The following ZBTB17 variants were observed in gnomAD, a reference collection of about 807,000 sequenced individuals.
The protein encoded by ZBTB17 is zinc finger and BTB domain-containing protein 17.
ZBTB17 carries 24 observed loss-of-function variants against 85.1 expected under a neutral mutation model. That is an observed-to-expected ratio of 0.28 (90% confidence interval 0.20 to 0.40). ZBTB17 has a LOEUF of 0.40. ZBTB17 is among the 10% of genes least tolerant of loss of function. The probability of loss-of-function intolerance (pLI) is 1.00; values close to 1 mark genes in which losing one functional copy is unlikely to be tolerated. For synonymous variants in ZBTB17, 464 were observed against 460.2 expected, an observed-to-expected ratio of 1.01 and a Z score of -0.11; for missense variants, 743 against 1,105.1, an observed-to-expected ratio of 0.67 and a Z score of 4.65.
chr1:15,948,078 C>T, intron 3 of ZBTB17: 1 of 625,606 alleles, frequency 1.6e-6, no homozygotes, highest in Middle Eastern at 2.8e-4. Context: ...GCCCTTCCTG[C>T]CCGTTCTCCC....
chr1:15,975,659 G>C (rs868278673), intron 1 of ZBTB17, among the ~76,000 whole-genome samples: 1 of 152,102 alleles, frequency 6.6e-6, no homozygotes. Flanking sequence ...CAGCGCGCGG[G>C]GTCAAGGGGC....
intron 2 of ZBTB17, among the ~76,000 whole-genome samples, chr1:15,971,634 GA>G (rs1186818533): frequency 4.7e-3 from 645 of 137,470 alleles, no homozygotes; most frequent in Admixed American, 9.3e-3. Flanking sequence ...TTTGCTGACA[GA>G]AAAAAAAAAA....
intron 2 of ZBTB17, among the ~76,000 whole-genome samples, chr1:15,961,806 G>A (rs2072269400): frequency 6.6e-6 from 1 of 152,334 alleles, no homozygotes; most frequent in African/African-American, 2.4e-5. Context: ...CAGGGAGGTG[G>A]GGGGAATGGG....
intron 2 of ZBTB17, 47 bp from the exon 3 acceptor site, chr1:15,948,544 C>T (rs2071706880): frequency 6.4e-7 from 1 of 1,573,780 alleles, no homozygotes; most frequent in African/African-American, 1.3e-5. Context: ...GAAAGGACGT[C>T]AGACACGCTC....
At chr1:15,962,639 G>A (rs766100847) in intron 2 of ZBTB17, among the ~76,000 whole-genome samples, 2 of 152,192 alleles carry the variant, frequency 1.3e-5, no homozygotes, top group African/African-American at 2.4e-5. Flanking sequence ...TTCCGCTATA[G>A]AAAAGGACAA....
intron 2 of ZBTB17, among the ~76,000 whole-genome samples, chr1:15,971,624 T>C (rs1213740075): frequency 1.3e-5 from 2 of 148,826 alleles, no homozygotes; most frequent in Admixed American, 6.7e-5. Flanking sequence ...AAATATATAT[T>C]TTGCTGACAG....
At chr1:15,948,197 C>A (rs1427811762) in intron 3 of ZBTB17, 94 bp downstream of exon 3, 2 of 1,468,332 alleles carry the variant, frequency 1.4e-6, no homozygotes, top group Admixed American at 3.6e-5. Flanking sequence ...CATCCCACAG[C>A]CTGCAGGTGC....
intron 2 of ZBTB17, among the ~76,000 whole-genome samples, 152 bp from the exon 3 acceptor site, chr1:15,948,649 G>GA (rs1294772989): frequency 1.3e-5 from 2 of 152,220 alleles, no homozygotes; most frequent in Admixed American, 1.3e-4. Context: ...GTTCAGTCCA[G>GA]ATACCCCCTG....
chr1:15,964,505 C>T lies in ZBTB17; in HGVS notation c.-3+8534G>A, dbSNP rs964608482. 6.6e-6 allele frequency among the ~76,000 whole-genome samples: 1 copy of T among 152,074 alleles called. No individual in the cohort carries two copies. The highest frequency in any genetic ancestry group is 2.4e-5 in the African/African-American group (1 of 41,404). On this transcript the variant is annotated intron_variant, in intron 2 of 15. Coordinates refer to ENST00000375743, the MANE Select transcript of ZBTB17 (RefSeq NM_003443.3). The surrounding 1 kb of genome is among the most constrained non-coding windows in gnomAD (Gnocchi z 4.3). ...GGCTGAGGTGGGAGGATTGCTTGAG[C>T]CCAGGAATTCAAGACTAGCTTGGGC...
At chr1:15,962,636 A>G (rs1180859364) in intron 2 of ZBTB17, among the ~76,000 whole-genome samples, 1 of 152,236 alleles carries the variant, frequency 6.6e-6, no homozygotes, top group African/African-American at 2.4e-5. Flanking sequence ...CCTTTCCGCT[A>G]TAGAAAAGGA....
intron 3 of ZBTB17, chr1:15,948,055 G>A (rs1482933806): frequency 1.7e-6 from 1 of 593,848 alleles, no homozygotes; most frequent in African/African-American, 1.8e-5. Flanking sequence ...CTGCGGCCTA[G>A]AGCTCATCAT....
At chr1:15,948,853 C>T (rs2071719548) in intron 2 of ZBTB17, among the ~76,000 whole-genome samples, 2 of 152,144 alleles carry the variant, frequency 1.3e-5, no homozygotes. Flanking sequence ...AAAAATGAAA[C>T]GACATGGTCA....
intron 2 of ZBTB17, among the ~76,000 whole-genome samples, chr1:15,965,187 A>T (rs1229671675): frequency 1.3e-5 from 2 of 152,214 alleles, no homozygotes; most frequent in African/African-American, 2.4e-5. Context: ...ACAAGCCACA[A>T]ACTGGAAGTA....
Position 15,973,522 on chromosome 1 carries a change from T to C in ZBTB17, c.-89-397A>G, listed in dbSNP as rs531605981. ...CCCCTCCCATGACTTCAGTGACCTTTGATGGTGATAACTACTAGCTGAACA... is the reference window on the plus strand; with the variant it reads ...CCCCTCCCATGACTTCAGTGACCTTCGATGGTGATAACTACTAGCTGAACA... On this transcript the variant is annotated intron_variant, in intron 1 of 15. Coordinates refer to ENST00000375743, the MANE Select transcript of ZBTB17 (RefSeq NM_003443.3). This position sits in a 1 kb window ranked among gnomAD's most constrained non-coding sequence, Gnocchi z 4.1. Among the ~76,000 whole-genome samples, 92 of 152,334 alleles carry C rather than the reference T, an allele frequency of 6.0e-4. 1 individual carries two copies. Among genetic ancestry groups the C allele is most frequent in the African/African-American group, 2.1e-3 (89 of 41,576 alleles).
rs2072754082 is a variant in ZBTB17 at position 15,973,560 on chromosome 1, T to A, written c.-89-435A>T. ...TACTAGCTGAACAGGTGCACTTGAA[T>A]GTTTTACAGGCATCCAACTCCAACA... On this transcript the variant is annotated intron_variant, in intron 1 of 15. Transcript: ENST00000375743. The surrounding 1 kb of genome is among the most constrained non-coding windows in gnomAD (Gnocchi z 4.1). Among the ~76,000 whole-genome samples, 1 of 152,158 alleles carries A rather than the reference T, an allele frequency of 6.6e-6. No homozygotes were observed. Among genetic ancestry groups the A allele is most frequent in the Non-Finnish European group, 1.5e-5 (1 of 68,042 alleles).
chr1:15,961,865 T>G (rs1286599868), intron 2 of ZBTB17, among the ~76,000 whole-genome samples: 1 of 151,972 alleles, frequency 6.6e-6, no homozygotes, highest in African/African-American at 2.4e-5. Flanking sequence ...CGACATGGGG[T>G]GGGGGTCCCA....
intron 2 of ZBTB17, among the ~76,000 whole-genome samples, chr1:15,968,987 T>A (rs752135492): frequency 6.6e-6 from 1 of 152,236 alleles, no homozygotes; most frequent in Non-Finnish European, 1.5e-5. Flanking sequence ...GTGGGCTACA[T>A]GGCAGGTGAG....
intron 9 of ZBTB17, 81 bp downstream of exon 9, chr1:15,944,219 C>T (rs745662848): frequency 3.3e-6 from 5 of 1,522,340 alleles, no homozygotes; most frequent in South Asian, 2.4e-5. Context: ...CTGTGCTCCC[C>T]GCCCGCCCCA....
chr1:15,956,514 A>G (rs1294033115), intron 2 of ZBTB17, among the ~76,000 whole-genome samples: 1 of 152,250 alleles, frequency 6.6e-6, no homozygotes, highest in Non-Finnish European at 1.5e-5. Context: ...ACTATGAAAA[A>G]GTGAATGTCC....
Sources: allele counts gnomAD v4.1 joint callset (sites outside exome capture counted in the v4.1 genomes callset), GRCh38; gene constraint gnomAD v4.1.1; non-coding constraint Gnocchi (gnomAD v3.1); transcripts MANE v1.5; gene names NCBI Gene and HGNC (gene_info 2026-07-23, HGNC 2026-07-21).